Variants in RBFOX2 observed in about 807,000 individuals in gnomAD.
RBFOX2 encodes RNA binding fox-1 homolog 2.
In RBFOX2, 10 loss-of-function variants were observed where a neutral mutation model predicts 49.1. That is an observed-to-expected ratio of 0.20 (90% CI 0.13 to 0.35). The LOEUF (loss-of-function observed/expected upper bound fraction) is 0.35, where lower values mean the gene tolerates loss of function less well. Among genes scored for constraint, RBFOX2 ranks in the 10% least tolerant of loss-of-function variants. The pLI is 1.00. For synonymous variants in RBFOX2, 183 were observed against 187.4 expected, an observed-to-expected ratio of 0.98 and a Z score of 0.19; for missense variants, 323 against 486.9, an observed-to-expected ratio of 0.66 and a Z score of 3.17.
intron 1 of RBFOX2, among the ~76,000 whole-genome samples, chr22:35,934,292 G>C (rs1352734755): frequency 6.6e-6 from 1 of 151,912 alleles, no homozygotes; most frequent in Non-Finnish European, 1.5e-5. Context: ...AAACTAAAGA[G>C]TAAGCATATA....
chr22:35,913,795 G>A (rs976694795), intron 1 of RBFOX2, among the ~76,000 whole-genome samples: 7 of 151,910 alleles, frequency 4.6e-5, no homozygotes, highest in Admixed American at 2.6e-4. Flanking sequence ...ATATTTACCT[G>A]ATAATCACAA....
At chr22:35,932,254 A>G (rs2149688192) in intron 1 of RBFOX2, among the ~76,000 whole-genome samples, 1 of 152,294 alleles carries the variant, frequency 6.6e-6, no homozygotes, top group East Asian at 1.9e-4. Flanking sequence ...AAAAGCCTTG[A>G]AAGTTCATTG....
In RBFOX2 at chr22:35,840,445, T is replaced by G; in HGVS notation, c.-227A>C. 2.1e-6 allele frequency: 3 copies of G among 1,426,738 alleles called. No individual in the cohort carries two copies. The South Asian group carries it at 4.7e-5, about 22-fold the overall frequency. 88.4% of individuals were successfully genotyped at this position (1,426,738 alleles called of 1,614,324 possible). On this transcript the variant is annotated 5_prime_UTR_variant, in exon 1 of 12. Transcript: ENST00000405409. ...CTTCTTTCTCCAGCTCCCTCCCATA[T>G]CTCAGGCAGATGGCTGAAGGAAGCC...
chr22:35,913,585 G>A (rs1416531299), intron 1 of RBFOX2, among the ~76,000 whole-genome samples: 1 of 150,378 alleles, frequency 6.6e-6, no homozygotes, highest in African/African-American at 2.4e-5. Flanking sequence ...GATGGATAGA[G>A]ATATACCGAT....
rs78536267 is a variant in RBFOX2 at position 35,759,074 on chromosome 22, T to A, written c.887+814A>T. 6.6e-6 allele frequency among the ~76,000 whole-genome samples: 1 copy of A among 152,206 alleles called. No individual in the cohort carries two copies. The highest frequency in any genetic ancestry group is 1.5e-5 in the Non-Finnish European group (1 of 68,032). On this transcript the variant is annotated intron_variant, in intron 9 of 11. Coordinates refer to ENST00000405409, the Ensembl canonical transcript of RBFOX2. This position sits in a 1 kb window ranked among gnomAD's most constrained non-coding sequence, Gnocchi z 4.6. Reference sequence around the variant, plus strand: ...GGAAGTCCTTGGTACAACTGACTCATGAAAGACCACTCTATAAAAATTTGC... The same window carrying A: ...GGAAGTCCTTGGTACAACTGACTCAAGAAAGACCACTCTATAAAAATTTGC...
At chr22:35,787,028 C>T (rs1244429369) in intron 2 of RBFOX2, among the ~76,000 whole-genome samples, 1 of 151,974 alleles carries the variant, frequency 6.6e-6, no homozygotes, top group African/African-American at 2.4e-5. Flanking sequence ...CTAGAGGTGA[C>T]ATGGGTTCTA....
intron 4 of RBFOX2, among the ~76,000 whole-genome samples, chr22:35,775,841 C>CAAAAAAAAAAAAAAAAAAAAAAAA (rs753116056): frequency 1.8e-5 from 1 of 56,178 alleles, no homozygotes; most frequent in African/African-American, 7.1e-5. Flanking sequence ...GAATCTGCCT[C>CAAAAAAAAAAAAAAAAAAAAAAAA]AAAAAAAAAA....
At chr22:35,791,021 A>AAC (rs200161965) in intron 2 of RBFOX2, among the ~76,000 whole-genome samples, 103 of 151,760 alleles carry the variant, frequency 6.8e-4, no homozygotes, top group South Asian at 1.5e-3. Flanking sequence ...ACAAAAAACA[A>AAC]ACACACACAC....
At chr22:35,878,043 CA>C (rs2045383260) in intron 1 of RBFOX2, among the ~76,000 whole-genome samples, 2 of 105,832 alleles carry the variant, frequency 1.9e-5, no homozygotes, top group African/African-American at 1.1e-4. Context: ...TACTACTACA[CA>C]CACACACACA....
intron 1 of RBFOX2, among the ~76,000 whole-genome samples, chr22:35,825,506 A>T (rs1955470473): frequency 6.6e-6 from 1 of 152,142 alleles, no homozygotes; most frequent in African/African-American, 2.4e-5. Context: ...TGTCATCAAA[A>T]TGGGGGCAGG....
chr22:35,869,770 C>T (rs1397114626), intron 1 of RBFOX2, among the ~76,000 whole-genome samples: 1 of 152,204 alleles, frequency 6.6e-6, no homozygotes, highest in Non-Finnish European at 1.5e-5. Flanking sequence ...TAATGACATA[C>T]TTCTACTGCA....
chr22:35,883,724 A>C (rs1411822001), intron 1 of RBFOX2, among the ~76,000 whole-genome samples: 1 of 152,230 alleles, frequency 6.6e-6, no homozygotes, highest in East Asian at 1.9e-4. Context: ...TAGATCTCTC[A>C]GTTCATGAAA....
chr22:35,884,000 C>CTTTTTTTTTTTTTTT (rs34644201), intron 1 of RBFOX2, among the ~76,000 whole-genome samples: 1 of 62,640 alleles, frequency 1.6e-5, no homozygotes, highest in Non-Finnish European at 2.8e-5. Flanking sequence ...GTAGTTATCT[C>CTTTTTTTTTTTTTTT]TTTTTTTTTT....
intron 1 of RBFOX2, among the ~76,000 whole-genome samples, chr22:35,857,401 G>A (rs1354911966): frequency 3.3e-5 from 5 of 152,144 alleles, no homozygotes; most frequent in African/African-American, 9.7e-5. Flanking sequence ...AAGAGATGAC[G>A]AAGACAACAT....
chr22:35,983,916 C>T (rs912140495), intron 1 of RBFOX2, among the ~76,000 whole-genome samples: 3 of 152,154 alleles, frequency 2.0e-5, no homozygotes, highest in African/African-American at 7.2e-5. Flanking sequence ...TCTCTGACAC[C>T]ATCTGTAAGA....
intron 9 of RBFOX2, among the ~76,000 whole-genome samples, chr22:35,751,823 C>G (rs1038119822): frequency 1.3e-5 from 2 of 152,098 alleles, no homozygotes; most frequent in East Asian, 1.9e-4. Context: ...TGTCTTCCAC[C>G]TATTATTTCT....
At chr22:35,795,075 A>C (rs1469724364) in intron 2 of RBFOX2, among the ~76,000 whole-genome samples, 1 of 152,206 alleles carries the variant, frequency 6.6e-6, no homozygotes, top group Non-Finnish European at 1.5e-5. Context: ...CAACTCTCAC[A>C]TTCTCAAACC....
intron 1 of RBFOX2, among the ~76,000 whole-genome samples, chr22:35,834,998 C>T (rs1957398255): frequency 6.6e-6 from 1 of 152,124 alleles, no homozygotes; most frequent in South Asian, 2.1e-4. Context: ...GGAATAGACA[C>T]AATACATTGT....
Position 36,028,514 on chromosome 22 carries a change from G to T in RBFOX2, c.-89C>A, listed in dbSNP as rs1655947094. The T allele has an allele frequency of 7.8e-6, 8 of 1,022,646 alleles. No individual in the cohort carries two copies. The South Asian group carries it at 2.8e-4, about 35-fold the overall frequency. The allele number at this position is 1,022,646 out of a possible 1,614,324, so 63.3% of individuals were successfully genotyped here. Reference sequence around the variant, plus strand: ...CTCGGCCCCGACTGTCGCGACAGGCGGGCGCGCGCCTGCCCCCGCCCCCGC... The same window carrying T: ...CTCGGCCCCGACTGTCGCGACAGGCTGGCGCGCGCCTGCCCCCGCCCCCGC... On this transcript the variant is annotated 5_prime_UTR_variant, in exon 1 of 14. Coordinates refer to the RBFOX2 transcript ENST00000438146.
Sources: gnomAD v4.1 joint callset for allele counts (sites outside exome capture counted in the v4.1 genomes callset) on GRCh38, gnomAD v4.1.1 for gene constraint, Gnocchi (gnomAD v3.1) non-coding constraint, MANE v1.5 for transcripts, NCBI Gene and HGNC (gene_info 2026-07-23, HGNC 2026-07-21) for gene names.